Variants in ASB2 observed in about 807,000 individuals in gnomAD.
The protein encoded by ASB2 is ankyrin repeat and SOCS box containing 2, also known as ankyrin repeat and SOCS box protein 2.
Under a neutral mutation model 62.4 loss-of-function variants are expected in ASB2, and 58 were observed. The observed-to-expected ratio is 0.93, with a 90% CI of 0.75 to 1.16. The LOEUF is 1.16. Among genes scored for constraint, ASB2 ranks in the 50% most tolerant of loss-of-function variants. ASB2 has a pLI of 0.00. For synonymous variants in ASB2, 386 were observed against 385.3 expected, an observed-to-expected ratio of 1.00 and a Z score of -0.02; for missense variants, 928 against 887.9, an observed-to-expected ratio of 1.05 and a Z score of -0.57.
chr14:93,942,786 A>G (rs749481478), intron 7 of ASB2, among the ~76,000 whole-genome samples: 2 of 152,228 alleles, frequency 1.3e-5, no homozygotes, highest in Admixed American at 6.5e-5. Flanking sequence ...GGGCCAGCGC[A>G]AGCATGTCAC....
chr14:93,964,100 G>A (rs1391271466), intron 2 of ASB2, among the ~76,000 whole-genome samples: 1 of 152,186 alleles, frequency 6.6e-6, no homozygotes. Flanking sequence ...ATAACCCAGA[G>A]CCCACTGAGA....
intron 6 of ASB2, among the ~76,000 whole-genome samples, chr14:93,948,945 C>G (rs1888843347): frequency 6.6e-6 from 1 of 152,190 alleles, no homozygotes; most frequent in Non-Finnish European, 1.5e-5. Context: ...GTTCCCAAAA[C>G]AAAAACAAAA....
At chr14:93,966,561 T>C (rs1209638668) in intron 1 of ASB2, among the ~76,000 whole-genome samples, 1 of 152,174 alleles carries the variant, frequency 6.6e-6, no homozygotes, top group African/African-American at 2.4e-5. Flanking sequence ...TACAATGAGT[T>C]TGGCATAATG....
At chr14:93,974,857 C>T (rs1464034792) in intron 1 of ASB2, among the ~76,000 whole-genome samples, 3 of 152,350 alleles carry the variant, frequency 2.0e-5, no homozygotes, top group Admixed American at 6.5e-5. Flanking sequence ...GCTGGTATGG[C>T]CTGTGTTGTT....
intron 2 of ASB2, among the ~76,000 whole-genome samples, chr14:93,962,724 C>T (rs1259176336): frequency 6.6e-6 from 1 of 152,172 alleles, no homozygotes; most frequent in African/African-American, 2.4e-5. Context: ...GAGGGGGCTC[C>T]TATGCTGGGG....
chr14:93,969,675 C>A (rs994946457), intron 1 of ASB2, among the ~76,000 whole-genome samples: 1 of 152,152 alleles, frequency 6.6e-6, no homozygotes, highest in Non-Finnish European at 1.5e-5. Flanking sequence ...GTCTAATAGG[C>A]CTTGCCCAGC....
At chr14:93,952,639 C>T (rs954447664) in intron 5 of ASB2, among the ~76,000 whole-genome samples, 16 of 152,192 alleles carry the variant, frequency 1.1e-4, no homozygotes, top group Admixed American at 6.5e-5. Flanking sequence ...TGGGGTACCC[C>T]TTGCAAGCTG....
rs567031070 is a variant in ASB2, at chr14:93,955,872, A to G, written c.311+894T>C. Among the ~76,000 whole-genome samples, 7 of 151,918 alleles carry G rather than the reference A, an allele frequency of 4.6e-5. No individual in the cohort carries two copies. The South Asian group carries it at 1.5e-3, about 32-fold the overall frequency. On this transcript the variant is annotated intron_variant, in intron 3 of 9. Coordinates refer to ENST00000555019, the MANE Select transcript of ASB2 (RefSeq NM_001202429.2). ...CAGCCGTGTCCTGCAGAGAAGGGAG[A>G]CTCAGAGGGGACAGCGACTCTCAGG...
intron 1 of ASB2, among the ~76,000 whole-genome samples, chr14:93,965,677 G>A (rs1182158384): frequency 6.6e-6 from 1 of 152,082 alleles, no homozygotes; most frequent in Admixed American, 6.6e-5. Context: ...AAAATACCCC[G>A]AATACCAGTG....
At chr14:93,969,695 G>A (rs1889703987) in intron 1 of ASB2, among the ~76,000 whole-genome samples, 1 of 152,198 alleles carries the variant, frequency 6.6e-6, no homozygotes, top group South Asian at 2.1e-4. Context: ...CCATCAGGGA[G>A]GCTTCCTGGT....
chr14:93,937,231 C>T (rs1328097957), intron 9 of ASB2, among the ~76,000 whole-genome samples: 3 of 152,218 alleles, frequency 2.0e-5, no homozygotes, highest in Admixed American at 6.5e-5. Context: ...GAAATGCAGA[C>T]TCCCCGGCCC....
In ASB2 at chr14:93,975,476, T is replaced by C. The variant is rs925221793; in HGVS notation, c.-74+958A>G. Among the ~76,000 whole-genome samples the C allele has an allele frequency of 4.0e-4, 61 of 152,366 alleles. 1 individual carries two copies. On this transcript the variant is annotated intron_variant, in intron 1 of 9. Coordinates refer to ENST00000555019, the MANE Select transcript of ASB2 (RefSeq NM_001202429.2). ...GGGCCTCCACCTCTGGGGCCTGAGA[T>C]GTGAACACACGGGTGGGAGTGTAGG...
At chr14:93,960,989 A>G (rs1031412520) in intron 2 of ASB2, among the ~76,000 whole-genome samples, 95 of 146,836 alleles carry the variant, frequency 6.5e-4, no homozygotes, top group African/African-American at 2.4e-3. Flanking sequence ...ATAAATAAAC[A>G]GTATCAGCTC....
At chr14:93,972,809 C>G (rs929235615) in intron 1 of ASB2, among the ~76,000 whole-genome samples, 1 of 152,228 alleles carries the variant, frequency 6.6e-6, no homozygotes, top group Admixed American at 6.5e-5. Context: ...GGGGGCAGTG[C>G]TCTCAAGCCT....
chr14:93,945,080 C>A (rs1461769169), intron 7 of ASB2, among the ~76,000 whole-genome samples: 1 of 152,208 alleles, frequency 6.6e-6, no homozygotes, highest in African/African-American at 2.4e-5. Flanking sequence ...GCTCAGGGAG[C>A]TTTTCAAAGA....
intron 1 of ASB2, among the ~76,000 whole-genome samples, chr14:93,973,098 C>T (rs572649759): frequency 2.0e-5 from 3 of 152,320 alleles, no homozygotes; most frequent in African/African-American, 7.2e-5. Flanking sequence ...CCAGCTGACT[C>T]CACAAGACAG....
chr14:93,955,276 G>A (rs1006563709), intron 3 of ASB2: 30 of 409,636 alleles, frequency 7.3e-5, no homozygotes, highest in Non-Finnish European at 1.1e-4. Flanking sequence ...GGCTCTGGGC[G>A]GTCTCTGCCA....
chr14:93,966,156 C>G (rs1889585541), intron 1 of ASB2, among the ~76,000 whole-genome samples: 1 of 152,276 alleles, frequency 6.6e-6, no homozygotes, highest in African/African-American at 2.4e-5. Flanking sequence ...GCTGGCCAAA[C>G]AGCTCCATTT....
At chr14:93,967,143 G>C (rs1005386034) in intron 1 of ASB2, among the ~76,000 whole-genome samples, 1 of 152,186 alleles carries the variant, frequency 6.6e-6, no homozygotes, top group African/African-American at 2.4e-5. Context: ...GGGTAGACTA[G>C]AGCCTGTCCT....
Sources: gnomAD v4.1 joint callset for allele counts (sites outside exome capture counted in the v4.1 genomes callset) on GRCh38, gnomAD v4.1.1 for gene constraint, MANE v1.5 for transcripts, NCBI Gene and HGNC (gene_info 2026-07-23, HGNC 2026-07-21) for gene names.